Variants in SAMD9 observed in about 807,000 individuals in gnomAD.
SAMD9 encodes the protein sterile alpha motif domain-containing protein 9.
SAMD9 carries 3 observed loss-of-function variants against 1.5 expected under a neutral mutation model. That is an observed-to-expected ratio of 2.05 (90% confidence interval 0.93 to 5.29). SAMD9 has a LOEUF of 5.29. SAMD9 is among the 30% of genes most tolerant of loss of function. SAMD9 has a pLI of 0.02. For missense variants in SAMD9, 1,597 were observed against 1,820.8 expected (o/e 0.88, Z 2.24); for synonymous variants, 635 against 631.9 (o/e 1.00, Z -0.07).
Position 93,101,476 on chromosome 7 carries a change from A to G in SAMD9, c.4622T>C (p.Ile1541Thr). Reference sequence around the variant, plus strand: ...GATTTTTTCATTGATTCCATATTCTATATATAAACAATTGTTTTCAGCTCG... The same window carrying G: ...GATTTTTTCATTGATTCCATATTCTGTATATAAACAATTGTTTTCAGCTCG... Reference protein sequence around the residue: ...QGRAENNCLYIEYGINEKITI... With the variant: ...QGRAENNCLYTEYGINEKITI... Residue 1541 changes from isoleucine to threonine, a missense_variant, in exon 3 of 3, where the codon ATA (isoleucine) becomes ACA (threonine). By Grantham distance (89) the Ile-to-Thr change is moderately conservative. Coordinates refer to ENST00000379958, the MANE Select transcript of SAMD9 (RefSeq NM_017654.4). The G allele has an allele frequency of 6.2e-7, 1 of 1,613,732 alleles. No individual in the cohort carries two copies.
At chr7:93,113,703 A>G (rs1349798875) in intron 2 of SAMD9, among the ~76,000 whole-genome samples, 2 of 152,254 alleles carry the variant, frequency 1.3e-5, no homozygotes, top group African/African-American at 4.8e-5. Flanking sequence ...AAAAATGTTC[A>G]TCATCACTGG....
rs561097773 is a variant in SAMD9, at chr7:93,111,427, G to A, written c.-9+3368C>T. 2.6e-5 allele frequency among the ~76,000 whole-genome samples: 4 copies of A among 152,190 alleles called. No individual in the cohort carries two copies. The South Asian group carries it at 6.2e-4, about 24-fold the overall frequency. ...GAAGCAAGAGCAAACACATTCAAAA[G>A]CTAGCAGAAGGCAAGAAATAACTAA... On this transcript the variant is annotated intron_variant, in intron 2 of 2. Coordinates refer to ENST00000379958, the MANE Select transcript of SAMD9 (RefSeq NM_017654.4).
intron 2 of SAMD9, among the ~76,000 whole-genome samples, chr7:93,106,427 T>A (rs1199461096): frequency 6.6e-6 from 1 of 152,228 alleles, no homozygotes; most frequent in Non-Finnish European, 1.5e-5. Context: ...TATTAATGAT[T>A]GTTTGCTATA....
chr7:93,103,746 C>A lies in SAMD9; in HGVS notation c.2352G>T (p.Gly784=). 1 of 1,613,818 alleles carries A rather than the reference C, an allele frequency of 6.2e-7. No individual in the cohort carries two copies. The highest frequency in any genetic ancestry group is 8.5e-7 in the Non-Finnish European group (1 of 1,179,836). The change falls in exon 3 of 3, where the codon GGG becomes GGT. Residue 784 remains glycine (G), a synonymous_variant. Transcript: ENST00000379958. ...GTACGTATTCCTGACGGTTCATTGCCCCATAGGTGATTAAACTGGTTACCT... is the reference window on the plus strand; with the variant it reads ...GTACGTATTCCTGACGGTTCATTGCACCATAGGTGATTAAACTGGTTACCT... The part of the protein sequence containing the change: ...GEQVTSLITY[G]AMNRQEYVPV...
rs544344645 is a variant in SAMD9 at position 93,112,561 on chromosome 7, C to T, written c.-9+2234G>A. Among the ~76,000 whole-genome samples the T allele has an allele frequency of 1.2e-4, 19 of 152,290 alleles. No homozygotes were observed. The East Asian group carries it at 1.7e-3, about 14-fold the overall frequency. On this transcript the variant is annotated intron_variant, in intron 2 of 2. Transcript: ENST00000379958. Reference sequence around the variant, plus strand: ...TGATTGTATGTTTAGAAAACCCCATCGTCTCAGCCCAAAATCTTAAGCTGA... The same window carrying T: ...TGATTGTATGTTTAGAAAACCCCATTGTCTCAGCCCAAAATCTTAAGCTGA...
chr7:93,105,045 G>C lies in SAMD9; in HGVS notation c.1053C>G (p.Asp351Glu), dbSNP rs200454238. The C allele has an allele frequency of 5.6e-6, 9 of 1,613,692 alleles. No individual in the cohort carries two copies. In the African/African-American group the frequency reaches 1.2e-4, roughly 22 times the overall value. Residue 351 changes from aspartate to glutamate, a missense_variant, in exon 3 of 3, where the codon GAC becomes GAG. Coordinates refer to ENST00000379958, the MANE Select transcript of SAMD9 (RefSeq NM_017654.4). Reference protein sequence around the residue: ...LFVRDGTSSKDITKNKVDFRA... With the variant: ...LFVRDGTSSKEITKNKVDFRA... Reference sequence around the variant, plus strand: ...TGAAATCAACTTTATTTTTCGTAATGTCCTTAGAGCTGGTCCCATCTCGCA... The same window carrying C: ...TGAAATCAACTTTATTTTTCGTAATCTCCTTAGAGCTGGTCCCATCTCGCA...
chr7:93,115,964 T>C (rs1185260016), intron 1 of SAMD9, among the ~76,000 whole-genome samples: 1 of 152,188 alleles, frequency 6.6e-6, no homozygotes, highest in Non-Finnish European at 1.5e-5. Context: ...TTGTATCCAT[T>C]TACTGAGTCA....
Position 93,103,717 on chromosome 7 carries a change from A to G in SAMD9, c.2381T>C (p.Val794Ala). ...GAMNRQEYVP[V>A]LLLVDDFEEQ... ...TTCAAAATCATCAACAAGGAGTAGT[A>G]CAGGTACGTATTCCTGACGGTTCAT... Residue 794 changes from valine to alanine, a missense_variant, in exon 3 of 3, where the codon GTA becomes GCA. This residue lies in a region of SAMD9 where 358 missense variants were observed against 460.4 expected (regional missense o/e 0.78). Coordinates refer to ENST00000379958, the MANE Select transcript of SAMD9 (RefSeq NM_017654.4). 1 of 1,613,780 alleles carries G rather than the reference A, an allele frequency of 6.2e-7. No homozygotes were observed. The highest frequency in any genetic ancestry group is 1.6e-4 in the Middle Eastern group (1 of 6,062).
At chr7:93,107,816 A>G (rs111783893) in intron 2 of SAMD9, among the ~76,000 whole-genome samples, 10 of 152,264 alleles carry the variant, frequency 6.6e-5, no homozygotes, top group African/African-American at 1.9e-4. Context: ...CCTTACAGCT[A>G]TATCAATTCA....
rs776490364 is a variant in SAMD9, at chr7:93,101,360, C to T, written c.4738G>A (p.Gly1580Ser). ...ATTTCAATGTCATAAGCAAGTGGGCCTCCAATGGAAAATCCCAGGTAAAAA... is the reference window on the plus strand; with the variant it reads ...ATTTCAATGTCATAAGCAAGTGGGCTTCCAATGGAAAATCCCAGGTAAAAA... ...VSFYLGFSIG[G>S]PLAYDIEIV Residue 1580 changes from glycine (G) to serine (S), a missense_variant, in exon 3 of 3, where the codon GGC (glycine) becomes AGC (serine). By Grantham distance (56) the Gly-to-Ser change is moderately conservative (BLOSUM62 0). Coordinates refer to ENST00000379958, the MANE Select transcript of SAMD9 (RefSeq NM_017654.4). 8 of 1,613,086 alleles carry T rather than the reference C, an allele frequency of 5.0e-6. No individual in the cohort carries two copies. The highest frequency in any genetic ancestry group is 1.6e-4 in the Middle Eastern group (1 of 6,082).
At position 93,101,405 on chromosome 7, in the gene SAMD9, T is replaced by G; in HGVS notation, c.4693A>C (p.Arg1565=). The G allele has an allele frequency of 6.2e-7, 1 of 1,613,800 alleles. No individual in the cohort carries two copies. The highest frequency in any genetic ancestry group is 8.5e-7 in the Non-Finnish European group (1 of 1,179,732). ...PAFLGQLRSG[R]SIEKVSFYLG... is the part of the protein sequence containing the mutation. Reference sequence around the variant, plus strand: ...TAAAAAGACACCTTCTCTATGCTTCTGCCACTTCTAAGTTGACCTAAAAAA... The same window carrying G: ...TAAAAAGACACCTTCTCTATGCTTCGGCCACTTCTAAGTTGACCTAAAAAA... The change falls in exon 3 of 3, where the codon AGA becomes CGA. Residue 1565 remains arginine, a synonymous_variant. Transcript: ENST00000379958.
chr7:93,102,310 G>T lies in SAMD9; in HGVS notation c.3788C>A (p.Ser1263Tyr), dbSNP rs990278730. 6.2e-7 allele frequency: 1 copy of T among 1,610,232 alleles called. No homozygotes were observed. Among genetic ancestry groups the T allele is most frequent in the Non-Finnish European group, 8.5e-7 (1 of 1,177,126 alleles). Reference sequence around the variant, plus strand: ...AAAAAAATCAAAGGACTTTTTCAAAGAAAATTTCAATTTAGTTAAATAAGG... The same window carrying T: ...AAAAAAATCAAAGGACTTTTTCAAATAAAATTTCAATTTAGTTAAATAAGG... ...YIPYLTKLKFSLKKSFDFFDE... is the reference protein window; with the variant it reads ...YIPYLTKLKFYLKKSFDFFDE... The change falls in exon 3 of 3, where the codon TCT becomes TAT. Residue 1263 changes from serine (S) to tyrosine (Y), a missense_variant. Transcript: ENST00000379958.
chr7:93,115,969 G>GAGTC (rs1257389136), intron 1 of SAMD9, among the ~76,000 whole-genome samples: 1 of 152,090 alleles, frequency 6.6e-6, no homozygotes, highest in Non-Finnish European at 1.5e-5. Flanking sequence ...TCCATTTACT[G>GAGTC]AGTCACGTCT....
chr7:93,102,075 T>G lies in SAMD9; in HGVS notation c.4023A>C (p.Ala1341=). 6.2e-7 allele frequency: 1 copy of G among 1,613,246 alleles called. No individual in the cohort carries two copies. Among genetic ancestry groups the G allele is most frequent in the Non-Finnish European group, 8.5e-7 (1 of 1,179,754 alleles). ...RCRRNLVALK[A]DKFSGLLEYL... is the part of the protein sequence containing the mutation. ...ATTCCAAGAGCCCAGAAAACTTGTC[T>G]GCTTTTAAAGCTACTAGGTTTCTCC... The change falls in exon 3 of 3, where the codon GCA becomes GCC. Residue 1341 remains alanine (A), a synonymous_variant. Transcript: ENST00000379958.
chr7:93,105,518 T>C lies in SAMD9; in HGVS notation c.580A>G (p.Ile194Val), dbSNP rs548924777. 1 of 1,614,138 alleles carries C rather than the reference T, an allele frequency of 6.2e-7. No homozygotes were observed. The highest frequency in any genetic ancestry group is 1.3e-5 in the African/African-American group (1 of 75,054). The change falls in exon 3 of 3, where the codon ATA (isoleucine) becomes GTA (valine). Residue 194 changes from isoleucine to valine, a missense_variant. Ile to Val is a conservative substitution (Grantham distance 29, BLOSUM62 3). This residue lies in a region of SAMD9 where 498 missense variants were observed against 457.4 expected (regional missense o/e 1.09). Transcript: ENST00000379958. ...TTTGTGAAGGCTTTGAATTCATGTA[T>C]CGGATCAATGAGATTGCCTGGTCCT... ...ETGPGNLIDP[I>V]HEFKAFTNTA...
At chr7:93,106,936 A>T (rs1159763290) in intron 2 of SAMD9, among the ~76,000 whole-genome samples, 2 of 152,180 alleles carry the variant, frequency 1.3e-5, no homozygotes, top group African/African-American at 4.8e-5. Context: ...AGAGGAAGAG[A>T]GAAGATATAT....
At position 93,101,331 on chromosome 7, in the gene SAMD9, A is replaced by T; in HGVS notation, c.4767T>A (p.Val1589=). The T allele has an allele frequency of 6.2e-7, 1 of 1,610,624 alleles. No individual in the cohort carries two copies. The highest frequency in any genetic ancestry group is 8.5e-7 in the Non-Finnish European group (1 of 1,179,032). Residue 1589 remains valine, a synonymous_variant, in exon 3 of 3, where the codon GTT becomes GTA. Coordinates refer to ENST00000379958, the MANE Select transcript of SAMD9 (RefSeq NM_017654.4). ...GGPLAYDIEI[V] is the part of the protein sequence containing the mutation. ...TTGGAGGAAGAATATCAGGCTCTTA[A>T]ACAATTTCAATGTCATAAGCAAGTG...
chr7:93,116,455 C>T (rs1791834798), intron 1 of SAMD9, among the ~76,000 whole-genome samples: 1 of 152,154 alleles, frequency 6.6e-6, no homozygotes, highest in South Asian at 2.1e-4. Context: ...ACAGGTTACA[C>T]TTTCACACTT....
In SAMD9 at chr7:93,112,869, C is replaced by T. The variant is rs574662933; in HGVS notation, c.-9+1926G>A. Among the ~76,000 whole-genome samples the T allele has an allele frequency of 2.0e-5, 3 of 152,256 alleles. No individual in the cohort carries two copies. The East Asian group carries it at 5.8e-4, about 29-fold the overall frequency. On this transcript the variant is annotated intron_variant, in intron 2 of 2. Coordinates refer to ENST00000379958, the MANE Select transcript of SAMD9 (RefSeq NM_017654.4). The stretch of plus-strand genomic sequence containing the variant: ...GGAAGAATCAATATCATGAAAATGG[C>T]CATACTGCTCAAGGTAATTTATAGA...
Sources: gnomAD v4.1 joint callset for allele counts (sites outside exome capture counted in the v4.1 genomes callset) on GRCh38, gnomAD v4.1.1 for gene constraint, gnomAD v4.1.1 regional missense constraint, MANE v1.5 for transcripts, NCBI Gene and HGNC (gene_info 2026-07-23, HGNC 2026-07-21) for gene names.